Variants in FBXO34 observed in about 807,000 individuals in gnomAD.
The protein encoded by FBXO34 is F-box protein 34.
In FBXO34, 12 loss-of-function variants were observed where a neutral mutation model predicts 24.5. The ratio of observed to expected loss-of-function variants is 0.49; its 90% CI spans 0.31 to 0.79. FBXO34 has a LOEUF of 0.79. FBXO34 is among the 30% of genes least tolerant of loss of function. FBXO34 has a pLI of 0.04. For synonymous variants in FBXO34, 320 were observed against 311.9 expected (o/e 1.03, Z -0.27); for missense variants, 823 against 857.7 (o/e 0.96, Z 0.51).
intron 1 of FBXO34, among the ~76,000 whole-genome samples, chr14:55,294,253 A>G (rs767297101): frequency 1.3e-5 from 2 of 152,058 alleles, no homozygotes; most frequent in Non-Finnish European, 1.5e-5. Context: ...GGCTTTGTCT[A>G]TTTGTTCACT....
chr14:55,409,010 T>C, the FBXO34 span, among the ~76,000 whole-genome samples: 1 of 152,312 alleles, frequency 6.6e-6, no homozygotes, highest in South Asian at 2.1e-4. Flanking sequence ...TATTTACATT[T>C]CTATTGTGGC....
the FBXO34 span, chr14:55,382,209 C>A: frequency 4.3e-6 from 7 of 1,611,650 alleles, no homozygotes; most frequent in Admixed American, 1.2e-4. Context: ...TAGGAAGACA[C>A]ACACGGATTT....
the FBXO34 span, chr14:55,440,367 T>A: frequency 6.2e-7 from 1 of 1,612,494 alleles, no homozygotes; most frequent in Non-Finnish European, 8.5e-7. Flanking sequence ...ACTTGGGTCC[T>A]GACTCTGGGA....
downstream of FBXO34, among the ~76,000 whole-genome samples, chr14:55,356,629 T>TA (rs1884527048): frequency 7.4e-6 from 1 of 134,538 alleles, no homozygotes; most frequent in African/African-American, 2.5e-5. Context: ...TTTTTTTATT[T>TA]TTTTATTTTT....
intron 1 of FBXO34, among the ~76,000 whole-genome samples, chr14:55,275,535 C>T (rs1461199430): frequency 6.6e-6 from 1 of 151,756 alleles, no homozygotes; most frequent in Non-Finnish European, 1.5e-5. Flanking sequence ...AAACTATTGG[C>T]CGGGTGCAGT....
chr14:55,346,401 C>T (rs2140081034), intron 1 of FBXO34, among the ~76,000 whole-genome samples: 1 of 152,282 alleles, frequency 6.6e-6, no homozygotes, highest in Non-Finnish European at 1.5e-5. Context: ...AAGGAGGAAT[C>T]TAAGTGACTC....
intron 1 of FBXO34, among the ~76,000 whole-genome samples, chr14:55,296,105 T>TC (rs889218555): frequency 4.0e-5 from 6 of 151,764 alleles, no homozygotes; most frequent in African/African-American, 1.2e-4. Flanking sequence ...CCTTAGCAAG[T>TC]CCCCCCCTTT....
At chr14:55,364,594 T>C (rs1451059056), downstream of FBXO34, among the ~76,000 whole-genome samples, 2 of 151,700 alleles carry the variant, frequency 1.3e-5, no homozygotes, top group East Asian at 3.9e-4. Flanking sequence ...CTGGCTAATT[T>C]TTTTTTGTAT....
chr14:55,417,874 G>A, the FBXO34 span, among the ~76,000 whole-genome samples: 1 of 152,172 alleles, frequency 6.6e-6, no homozygotes, highest in Non-Finnish European at 1.5e-5. Context: ...CTGGCTTTGA[G>A]ATCAAACAAT....
At chr14:55,337,407 G>A (rs973253260) in intron 1 of FBXO34, among the ~76,000 whole-genome samples, 2 of 152,202 alleles carry the variant, frequency 1.3e-5, no homozygotes. Context: ...TCTCTTCCAT[G>A]TGTTCTGTAT....
chr14:55,310,016 T>A (rs1220764059), intron 1 of FBXO34, among the ~76,000 whole-genome samples: 1 of 146,672 alleles, frequency 6.8e-6, no homozygotes, highest in African/African-American at 2.5e-5. Flanking sequence ...ACAGGCAGAA[T>A]TGTCAGAACC....
the FBXO34 span, among the ~76,000 whole-genome samples, chr14:55,407,319 C>T: frequency 1.8e-4 from 27 of 152,260 alleles, no homozygotes; most frequent in African/African-American, 4.8e-4. Flanking sequence ...TGACTAGAGA[C>T]GAGGTTTCAC....
chr14:55,409,730 G>A, the FBXO34 span, among the ~76,000 whole-genome samples: 2 of 152,258 alleles, frequency 1.3e-5, no homozygotes, highest in East Asian at 3.9e-4. Context: ...AATAATAGGA[G>A]ATTAAATCAG....
At position 55,352,107 on chromosome 14, in the gene FBXO34, C is replaced by T. The variant is rs1884408906; in HGVS notation, c.1717C>T (p.Gln573Ter). 6.2e-7 allele frequency: 1 copy of T among 1,614,040 alleles called. No homozygotes were observed. The highest frequency in any genetic ancestry group is 8.5e-7 in the Non-Finnish European group (1 of 1,180,038). ...FKIQQLLEPQ[Q>*]YMAFLPHHIM... ...AATCCAGCAGCTTTTGGAGCCTCAG[C>T]AGTACATGGCTTTTCTGCCCCACCA... The change falls in exon 2 of 2, where the codon CAG becomes TAG. Residue 573 changes from glutamine to a stop codon, truncating the protein, a stop_gained. Transcript: ENST00000313833. LOFTEE classifies it high-confidence loss of function.
Position 55,350,807 on chromosome 14 carries a change from T to C in FBXO34, c.417T>C (p.Ser139=), listed in dbSNP as rs1371347949. 6.2e-7 allele frequency: 1 copy of C among 1,608,450 alleles called. No individual in the cohort carries two copies. The highest frequency in any genetic ancestry group is 2.2e-5 in the East Asian group (1 of 44,852). The change falls in exon 2 of 2, where the codon AGT becomes AGC. Residue 139 remains serine, a synonymous_variant. Coordinates refer to ENST00000313833, the MANE Select transcript of FBXO34 (RefSeq NM_017943.4). The part of the protein sequence containing the change: ...SNRIGSMKIK[S]SWDIDGRATK... ...GGATAGGATCTATGAAAATAAAAAG[T>C]TCCTGGGATATTGATGGGAGAGCTA...
chr14:55,307,668 A>G (rs1882599961), intron 1 of FBXO34, among the ~76,000 whole-genome samples: 1 of 152,194 alleles, frequency 6.6e-6, no homozygotes, highest in Non-Finnish European at 1.5e-5. Context: ...TTTGTGTCCT[A>G]CTTGATTCTG....
At chr14:55,400,244 A>G in the FBXO34 span, among the ~76,000 whole-genome samples, 7 of 152,314 alleles carry the variant, frequency 4.6e-5, no homozygotes, top group East Asian at 5.8e-4. Context: ...TGCTTTCTCA[A>G]TACAGCTTCC....
the FBXO34 span, among the ~76,000 whole-genome samples, chr14:55,427,554 CCA>C: frequency 1.3e-5 from 2 of 152,058 alleles, no homozygotes; most frequent in Non-Finnish European, 2.9e-5. Flanking sequence ...AACTTCAGTT[CCA>C]GCTTGGCCAA....
At chr14:55,323,978 G>A (rs576828229) in intron 1 of FBXO34, among the ~76,000 whole-genome samples, 1 of 152,168 alleles carries the variant, frequency 6.6e-6, no homozygotes, top group East Asian at 1.9e-4. Flanking sequence ...GGTGTTTAGT[G>A]TATTCACAAA....
Sources: allele counts gnomAD v4.1 joint callset (sites outside exome capture counted in the v4.1 genomes callset), GRCh38; gene constraint gnomAD v4.1.1; transcripts MANE v1.5; gene names NCBI Gene and HGNC (gene_info 2026-07-23, HGNC 2026-07-21).